MBTPS1: variants seen among roughly 807,000 people sequenced by gnomAD.
The protein encoded by MBTPS1 is membrane bound transcription factor peptidase, site 1, also known as membrane-bound transcription factor site-1 protease.
MBTPS1 carries 94 observed loss-of-function variants against 127.8 expected under a neutral mutation model. The ratio of observed to expected loss-of-function variants is 0.74; its 90% confidence interval spans 0.62 to 0.87. The LOEUF (loss-of-function observed/expected upper bound fraction) is 0.87. Among genes scored for constraint, MBTPS1 ranks in the 40% least tolerant of loss-of-function variants. MBTPS1 has a pLI of 0.00. For missense variants in MBTPS1, 1,636 were observed against 1,353.2 expected (o/e 1.21, Z -3.28); for synonymous variants, 632 against 509.4 (o/e 1.24, Z -3.24).
chr16:84,095,046 T>C (rs2086160630), intron 4 of MBTPS1, among the ~76,000 whole-genome samples: 1 of 152,228 alleles, frequency 6.6e-6, no homozygotes, highest in African/African-American at 2.4e-5. Flanking sequence ...ATCCTTATTG[T>C]TCTGAATTTT....
In MBTPS1 at chr16:84,054,201, G is replaced by A. The variant is rs928217784; in HGVS notation, c.*248C>T. ...TTCTCCCGAGTCTTTGGTGCGCACA[G>A]CTGCCGGCGGGAAGTCTCACTGGCG... is the stretch of plus-strand genomic sequence containing the variant. On this transcript the variant is annotated 3_prime_UTR_variant, in exon 23 of 23. Coordinates refer to ENST00000343411, the MANE Select transcript of MBTPS1 (RefSeq NM_003791.4). 1.2e-5 allele frequency: 4 copies of A among 346,510 alleles called. No individual in the cohort carries two copies. The East Asian group carries it at 1.8e-4, about 16-fold the overall frequency. The allele number at this position is 346,510 out of a possible 1,614,324, so 21.5% of individuals were successfully genotyped here.
intron 4 of MBTPS1, among the ~76,000 whole-genome samples, chr16:84,094,646 A>G (rs2086154581): frequency 1.3e-5 from 2 of 152,260 alleles, no homozygotes; most frequent in African/African-American, 4.8e-5. Flanking sequence ...AGATAAATAT[A>G]AAAATCAATG....
In MBTPS1 at chr16:84,101,711, G is replaced by A. The variant is rs1160004695; in HGVS notation, c.73C>T (p.Leu25=). The change falls in exon 2 of 23, where the codon CTG becomes TTG. Residue 25 remains leucine, a synonymous_variant. Coordinates refer to ENST00000343411, the MANE Select transcript of MBTPS1 (RefSeq NM_003791.4). ...LCGKKHLGDR[L]EKKSFEKAPC... ...GCCTTTTCAAAAGATTTCTTTTCCA[G>A]TCTGTCGCCCAGATGTTTCTTCCCA... is the stretch of plus-strand genomic sequence containing the variant. The A allele has an allele frequency of 5.6e-6, 9 of 1,614,030 alleles. No homozygotes were observed. The African/African-American group carries it at 1.1e-4, about 19-fold the overall frequency.
rs147988456 is a variant in MBTPS1 at position 84,108,173 on chromosome 16, G to A, written c.-324-6066C>T. On this transcript the variant is annotated intron_variant, in intron 1 of 22. Transcript: ENST00000343411. Reference sequence around the variant, plus strand: ...CCCGATGGGCACACTTCCCAAGATGGGCTCACCACTGAGAGGTAAGCAGAC... The same window carrying A: ...CCCGATGGGCACACTTCCCAAGATGAGCTCACCACTGAGAGGTAAGCAGAC... 4.0e-3 allele frequency among the ~76,000 whole-genome samples: 614 copies of A among 152,070 alleles called. 1 individual carries two copies. The highest frequency in any genetic ancestry group is 0.02 in the Middle Eastern group (6 of 294).
intron 11 of MBTPS1, among the ~76,000 whole-genome samples, chr16:84,079,291 G>A (rs1277901362): frequency 1.3e-5 from 2 of 152,130 alleles, no homozygotes; most frequent in East Asian, 3.8e-4. Flanking sequence ...AAATTACCCA[G>A]TCTCAGGTAT....
intron 1 of MBTPS1, among the ~76,000 whole-genome samples, chr16:84,111,126 G>A (rs1328590115): frequency 6.6e-6 from 1 of 152,224 alleles, no homozygotes; most frequent in Non-Finnish European, 1.5e-5. Context: ...TTGCAGCTGT[G>A]ACTAAATGAA....
intron 12 of MBTPS1, 140 bp downstream of exon 12, chr16:84,074,457 G>C (rs2085821631): frequency 4.0e-6 from 3 of 744,442 alleles, no homozygotes; most frequent in Admixed American, 2.9e-5. Flanking sequence ...TGGTCTTAAA[G>C]TCCTGGGCTC....
In MBTPS1 at chr16:84,087,359, C is replaced by T; in HGVS notation, c.1133G>A (p.Trp378Ter). 6.2e-7 allele frequency: 1 copy of T among 1,609,672 alleles called. No homozygotes were observed. The highest frequency in any genetic ancestry group is 8.5e-7 in the Non-Finnish European group (1 of 1,176,488). Reference sequence around the variant, plus strand: ...ATTATTTAGCAAAGAAGAGCGTACCCAGGTAGTCATTCCCCTTGAAGAAAA... The same window carrying T: ...ATTATTTAGCAAAGAAGAGCGTACCTAGGTAGTCATTCCCCTTGAAGAAAA... ...ARFSSRGMTT[W>*]ELPGGYGRMK... is the part of the protein sequence containing the mutation. Residue 378 changes from tryptophan to a stop codon, truncating the protein, a stop_gained and splice_region_variant, in exon 9 of 23, where the codon TGG becomes TAG. Coordinates refer to ENST00000343411, the MANE Select transcript of MBTPS1 (RefSeq NM_003791.4). LOFTEE classifies it high-confidence loss of function.
At chr16:84,066,728 C>G in intron 16 of MBTPS1, 115 bp from the exon 17 acceptor site, 2 of 1,047,082 alleles carry the variant, frequency 1.9e-6, no homozygotes, top group South Asian at 1.7e-5. Context: ...TCCTTCCACA[C>G]TAAGGCTTCA....
At position 84,087,352 on chromosome 16, in the gene MBTPS1, G is replaced by C. The variant is rs1190319185; in HGVS notation, c.1134+6C>G. Reference sequence around the variant, plus strand: ...AAATACAATTATTTAGCAAAGAAGAGCGTACCCAGGTAGTCATTCCCCTTG... The same window carrying C: ...AAATACAATTATTTAGCAAAGAAGACCGTACCCAGGTAGTCATTCCCCTTG... On this transcript the variant is annotated splice_donor_region_variant and intron_variant, in intron 9 of 22. Coordinates refer to ENST00000343411, the MANE Select transcript of MBTPS1 (RefSeq NM_003791.4). The C allele has an allele frequency of 3.1e-6, 5 of 1,605,548 alleles. No homozygotes were observed. Among genetic ancestry groups the C allele is most frequent in the Admixed American group, 1.7e-5 (1 of 59,894 alleles).
chr16:84,093,893 C>T lies in MBTPS1; in HGVS notation c.626-72G>A, dbSNP rs373008011. ...CATTTTGGATTTTGCCTATAAAATA[C>T]ATTCCTTCCTGGGACCCACAGAAAA... On this transcript the variant is annotated intron_variant, in intron 4 of 22. Transcript: ENST00000343411. 5.2e-3 allele frequency: 5,708 copies of T among 1,090,358 alleles called. 25 individuals are homozygous for T. The highest frequency in any genetic ancestry group is 8.1e-3 in the Middle Eastern group (41 of 5,038). The allele number at this position is 1,090,358 out of a possible 1,614,324, so 67.5% of individuals were successfully genotyped here. A position where few individuals can be genotyped will look rare whatever the true frequency, so the allele number is the denominator to read the frequency against.
chr16:84,085,267 T>C (rs2086003889), intron 9 of MBTPS1, 133 bp from the exon 10 acceptor site: 1 of 915,626 alleles, frequency 1.1e-6, no homozygotes, highest in Non-Finnish European at 1.6e-6. Flanking sequence ...GTACTGGTTT[T>C]AGTCTGAAAT....
In MBTPS1 at chr16:84,060,803, C is replaced by A. The variant is rs2085599507; in HGVS notation, c.2583G>T (p.Trp861Cys). Reference sequence around the variant, plus strand: ...TGTACTGGAGGAGGGCATCCAGAAGCCAAAAGCAGTCTGCGAAGTCAACAA... The same window carrying A: ...TGTACTGGAGGAGGGCATCCAGAAGACAAAAGCAGTCTGCGAAGTCAACAA... ...DDSHRQKDCF[W>C]LLDALLQYTS... is the part of the protein sequence containing the mutation. Residue 861 changes from tryptophan to cysteine, a missense_variant, in exon 20 of 23, where the codon TGG becomes TGT. By Grantham distance (215) the Trp-to-Cys change is radical (BLOSUM62 -2). Coordinates refer to ENST00000343411, the MANE Select transcript of MBTPS1 (RefSeq NM_003791.4). 9.5e-6 allele frequency: 15 copies of A among 1,584,448 alleles called. No individual in the cohort carries two copies. The highest frequency in any genetic ancestry group is 1.3e-5 in the Non-Finnish European group (15 of 1,165,014).
chr16:84,084,935 C>T (rs367696985), intron 10 of MBTPS1, 48 bp downstream of exon 10: 6 of 1,592,032 alleles, frequency 3.8e-6, no homozygotes, highest in Non-Finnish European at 4.3e-6. Flanking sequence ...GCACCGAGTG[C>T]TCCTGTCCTG....
At position 84,060,289 on chromosome 16, in the gene MBTPS1, C is replaced by T. The variant is rs541613840; in HGVS notation, c.2704+393G>A. On this transcript the variant is annotated intron_variant, in intron 20 of 22. Transcript: ENST00000343411. ...TTTTCACAGGATTACTGAGAGGGGA[C>T]AGTGAGGTAATCCATGGGAGCATCC... is the stretch of plus-strand genomic sequence containing the variant. 7.4e-5 allele frequency: 12 copies of T among 162,786 alleles called. No homozygotes were observed. In the South Asian group the frequency reaches 7.6e-4, roughly 10 times the overall value. 10.1% of individuals were successfully genotyped at this position (162,786 alleles called of 1,614,324 possible).
chr16:84,066,773 C>T (rs2085690385), intron 16 of MBTPS1, among the ~76,000 whole-genome samples, 160 bp from the exon 17 acceptor site: 3 of 152,194 alleles, frequency 2.0e-5, no homozygotes, highest in Admixed American at 2.0e-4. Flanking sequence ...GGTAAAACTG[C>T]AAATTTAAGT....
At chr16:84,055,936 A>G (rs1597296272) in intron 22 of MBTPS1, 69 bp downstream of exon 22, 3 of 1,453,436 alleles carry the variant, frequency 2.1e-6, no homozygotes, top group Middle Eastern at 2.5e-4. Context: ...CCTCCTGGGG[A>G]GGGAGGGAGA....
chr16:84,109,612 C>T (rs2086372391), intron 1 of MBTPS1: 1 of 152,158 alleles, frequency 6.6e-6, no homozygotes, highest in Non-Finnish European at 1.5e-5. Context: ...AAACATCAGA[C>T]CAACCCAAAT....
At chr16:84,063,069 G>C (rs1001571278) in intron 19 of MBTPS1, among the ~76,000 whole-genome samples, 1 of 152,286 alleles carries the variant, frequency 6.6e-6, no homozygotes, top group Non-Finnish European at 1.5e-5. Context: ...TGAAGATGGA[G>C]AAGAGGCATC....
Sources: gnomAD v4.1 joint callset for allele counts (sites outside exome capture counted in the v4.1 genomes callset) on GRCh38, gnomAD v4.1.1 for gene constraint, MANE v1.5 for transcripts, NCBI Gene and HGNC (gene_info 2026-07-23, HGNC 2026-07-21) for gene names.